Variants in RAD51B observed in about 807,000 individuals in gnomAD.
RAD51B encodes DNA repair protein RAD51 homolog 2.
RAD51B carries 38 observed loss-of-function variants against 42.2 expected under a neutral mutation model. The ratio of observed to expected loss-of-function variants is 0.90; its 90% CI spans 0.70 to 1.18. RAD51B has a LOEUF of 1.18. RAD51B is among the 50% of genes most tolerant of loss of function. The probability of loss-of-function intolerance (pLI) is 0.00; values close to 1 mark genes in which losing one functional copy is unlikely to be tolerated. For synonymous variants in RAD51B, 154 were observed against 145.2 expected (o/e 1.06, Z -0.43); for missense variants, 373 against 400.7 (o/e 0.93, Z 0.59).
chr14:68,342,578 C>CCTCTCTCT (rs908205884), intron 8 of RAD51B, among the ~76,000 whole-genome samples: 1 of 151,554 alleles, frequency 6.6e-6, no homozygotes, highest in South Asian at 2.1e-4. Flanking sequence ...TCTCTCTCTC[C>CCTCTCTCT]CTCTCTCTCT....
At chr14:68,112,392 C>T (rs1430564368) in intron 7 of RAD51B, among the ~76,000 whole-genome samples, 2 of 152,092 alleles carry the variant, frequency 1.3e-5, no homozygotes, top group African/African-American at 4.8e-5. Flanking sequence ...TTTATAGTCT[C>T]TCCTATAGCT....
intron 8 of RAD51B, among the ~76,000 whole-genome samples, chr14:68,360,563 A>G (rs529132212): frequency 2.0e-5 from 3 of 152,214 alleles, no homozygotes; most frequent in Admixed American, 1.3e-4. Flanking sequence ...ACTCATCTCT[A>G]ATCCTCCCAA....
intron 10 of RAD51B, among the ~76,000 whole-genome samples, chr14:68,645,947 A>G (rs1892556282): frequency 6.6e-6 from 1 of 152,180 alleles, no homozygotes; most frequent in African/African-American, 2.4e-5. Flanking sequence ...TTAAATTTAG[A>G]TTTCAAATAA....
Position 68,136,120 on chromosome 14 carries a change from A to G in RAD51B, c.757-155764A>G, listed in dbSNP as rs1467110370. Among the ~76,000 whole-genome samples, 4 of 152,382 alleles carry G rather than the reference A, an allele frequency of 2.6e-5. No homozygotes were observed. The East Asian group carries it at 7.7e-4, about 29-fold the overall frequency. ...CTTAAAATGTGACTTGCCCAAACAT[A>G]GGAAAATCTTCCAAAACAGGATCTA... On this transcript the variant is annotated intron_variant, in intron 7 of 10. Coordinates refer to ENST00000471583, the MANE Select transcript of RAD51B (RefSeq NM_133510.4).
intron 7 of RAD51B, among the ~76,000 whole-genome samples, chr14:68,121,212 C>G (rs2077645432): frequency 6.6e-6 from 1 of 152,172 alleles, no homozygotes; most frequent in South Asian, 2.1e-4. Flanking sequence ...GTGCATCAGG[C>G]ATTTTACATA....
At chr14:68,111,513 G>A (rs1695173492) in intron 7 of RAD51B, among the ~76,000 whole-genome samples, 1 of 152,096 alleles carries the variant, frequency 6.6e-6, no homozygotes, top group Admixed American at 6.6e-5. Flanking sequence ...CTTTTGGTGA[G>A]TAGGTGTCTG....
chr14:68,676,415 C>T (rs890221159), intron 11 of RAD51B, among the ~76,000 whole-genome samples: 2 of 152,274 alleles, frequency 1.3e-5, no homozygotes, highest in Non-Finnish European at 2.9e-5. Flanking sequence ...AGCTGACCCA[C>T]GGAGGTCCCA....
At chr14:68,567,679 C>T (rs1290432589) in intron 10 of RAD51B, among the ~76,000 whole-genome samples, 2 of 152,260 alleles carry the variant, frequency 1.3e-5, no homozygotes, top group African/African-American at 4.8e-5. Flanking sequence ...CTACCCCAGT[C>T]ATCACGGACA....
At chr14:68,400,485 C>T (rs1295519954) in intron 8 of RAD51B, among the ~76,000 whole-genome samples, 1 of 152,134 alleles carries the variant, frequency 6.6e-6, no homozygotes, top group Non-Finnish European at 1.5e-5. Flanking sequence ...AAACAAACAT[C>T]AAGTGGTCAA....
At chr14:68,288,128 T>G (rs1419236222) in intron 7 of RAD51B, among the ~76,000 whole-genome samples, 2 of 152,242 alleles carry the variant, frequency 1.3e-5, no homozygotes, top group Non-Finnish European at 1.5e-5. Context: ...GTGTTGAGTC[T>G]GTTTATAAAT....
At chr14:68,108,883 C>T (rs999266668) in intron 7 of RAD51B, among the ~76,000 whole-genome samples, 7 of 151,798 alleles carry the variant, frequency 4.6e-5, no homozygotes, top group Non-Finnish European at 1.0e-4. Flanking sequence ...TGGGTTATTG[C>T]AATTCAAGTA....
intron 11 of RAD51B, among the ~76,000 whole-genome samples, chr14:68,667,488 A>C (rs1297461693): frequency 1.3e-5 from 2 of 152,230 alleles, no homozygotes; most frequent in African/African-American, 4.8e-5. Context: ...CATCTAGACA[A>C]GTATTTGACC....
At position 67,864,961 on chromosome 14, in the gene RAD51B, CTTTTTTTTTTTTTTTTTTTTTTTTTT is replaced by C. The variant is rs745505141; in HGVS notation, c.316-28_316-3del. 9.0e-4 allele frequency: 581 copies of C among 644,954 alleles called. 2 individuals are homozygous for C. Among genetic ancestry groups the C allele is most frequent in the Middle Eastern group, 1.6e-3 (3 of 1,868 alleles). 40.0% of individuals were successfully genotyped at this position (644,954 alleles called of 1,614,324 possible). ...TGGCTTGTGATGTTTATCTAAAAAA[CTTTTTTTTTTTTTTTTTTTTTTTTTT>C]TTTTTTTTTTTTTAGATTACAGGTC... On this transcript the variant is annotated splice_polypyrimidine_tract_variant and intron_variant, in intron 4 of 10. Coordinates refer to ENST00000471583, the MANE Select transcript of RAD51B (RefSeq NM_133510.4).
intron 7 of RAD51B, among the ~76,000 whole-genome samples, chr14:67,913,305 A>G (rs889098903): frequency 2.0e-5 from 3 of 152,204 alleles, no homozygotes; most frequent in African/African-American, 7.2e-5. Flanking sequence ...ATTTTGACTT[A>G]TTAGTTTAAG....
chr14:68,490,050 C>G (rs926681650), intron 10 of RAD51B, among the ~76,000 whole-genome samples: 2 of 152,140 alleles, frequency 1.3e-5, no homozygotes, highest in Admixed American at 1.3e-4. Flanking sequence ...ACCGCAGCCT[C>G]TACTTATTTT....
chr14:68,562,360 G>T, intron 10 of RAD51B: 3 of 985,424 alleles, frequency 3.0e-6, no homozygotes, highest in Non-Finnish European at 3.6e-6. Context: ...TTTAAGGTGG[G>T]AACCAAAGGC....
intron 10 of RAD51B, among the ~76,000 whole-genome samples, chr14:68,504,662 C>CTTTT (rs57967320): frequency 4.3e-4 from 39 of 90,420 alleles, no homozygotes; most frequent in African/African-American, 9.8e-4. Context: ...TTTTTTCTTT[C>CTTTT]TTTTTTTTTT....
chr14:68,096,409 C>G (rs1333154815), intron 7 of RAD51B, among the ~76,000 whole-genome samples: 1 of 152,192 alleles, frequency 6.6e-6, no homozygotes, highest in Non-Finnish European at 1.5e-5. Context: ...ATTTTAGTTT[C>G]AGGCCAAGTC....
chr14:68,231,898 G>A (rs942713228), intron 7 of RAD51B, among the ~76,000 whole-genome samples: 10 of 152,162 alleles, frequency 6.6e-5, no homozygotes, highest in African/African-American at 2.4e-4. Flanking sequence ...ATTATTGATA[G>A]TAGACACAGG....
Sources: gnomAD v4.1 joint callset for allele counts (sites outside exome capture counted in the v4.1 genomes callset) on GRCh38, gnomAD v4.1.1 for gene constraint, MANE v1.5 for transcripts, NCBI Gene and HGNC (gene_info 2026-07-23, HGNC 2026-07-21) for gene names.